The following RBPJ variants were observed in gnomAD, a reference collection of about 807,000 sequenced individuals.
RBPJ encodes recombination signal binding protein for immunoglobulin kappa J region.
RBPJ carries 9 observed loss-of-function variants against 67.8 expected under a neutral mutation model. That is an observed-to-expected ratio of 0.13 (90% CI 0.08 to 0.23). The LOEUF (loss-of-function observed/expected upper bound fraction) is 0.23. Ranked by LOEUF, RBPJ falls within the 10% of genes least tolerant of loss-of-function variation. The pLI is 1.00. For synonymous variants in RBPJ, 198 were observed against 203.3 expected (o/e 0.97, Z 0.22); for missense variants, 305 against 595.6 (o/e 0.51, Z 5.08).
chr4:26,158,978 TC>T (rs1395010924), upstream of RBPJ, among the ~76,000 whole-genome samples: 4 of 140,712 alleles, frequency 2.8e-5, no homozygotes, highest in African/African-American at 1.0e-4. Flanking sequence ...TCTCTCTCTC[TC>T]TCTCAATTTA....
At chr4:26,244,271 A>ATATGTGTG (rs1491168240) in intron 1 of RBPJ, among the ~76,000 whole-genome samples, 1 of 15,724 alleles carries the variant, frequency 6.4e-5, no homozygotes, top group African/African-American at 2.0e-4. Flanking sequence ...ATGTGTACAC[A>ATATGTGTG]TATATGTGTG....
intron 1 of RBPJ, among the ~76,000 whole-genome samples, chr4:26,361,181 A>G (rs149843154): frequency 6.6e-6 from 1 of 152,084 alleles, no homozygotes; most frequent in Non-Finnish European, 1.5e-5. Flanking sequence ...GGTTGTGGCT[A>G]CAGGCAGAGA....
intron 1 of RBPJ, among the ~76,000 whole-genome samples, chr4:26,212,983 G>T (rs1336226420): frequency 6.6e-6 from 1 of 152,140 alleles, no homozygotes; most frequent in Admixed American, 6.5e-5. Flanking sequence ...AACTCCACAG[G>T]AATGGAAGCT....
At chr4:26,321,678 C>G (rs1045524303) in intron 1 of RBPJ, 2 of 153,014 alleles carry the variant, frequency 1.3e-5, no homozygotes, top group African/African-American at 4.8e-5. Flanking sequence ...CCTGTGGGTC[C>G]CCTCTCACCT....
intron 2 of RBPJ, among the ~76,000 whole-genome samples, chr4:26,405,266 G>A (rs1161530465): frequency 2.6e-5 from 4 of 152,212 alleles, no homozygotes; most frequent in East Asian, 1.9e-4. Context: ...ATTTAATAAC[G>A]TATTACTATT....
intron 1 of RBPJ, among the ~76,000 whole-genome samples, chr4:26,168,997 T>A (rs1401319361): frequency 6.6e-6 from 1 of 152,252 alleles, no homozygotes; most frequent in Admixed American, 6.5e-5. Flanking sequence ...AGTTTTCAAC[T>A]TCCTTGCCTT....
chr4:26,359,085 G>A (rs1490510883), intron 1 of RBPJ, among the ~76,000 whole-genome samples: 1 of 152,162 alleles, frequency 6.6e-6, no homozygotes, highest in African/African-American at 2.4e-5. Flanking sequence ...TTGTCAAGGT[G>A]CTGTCATAAG....
chr4:26,289,571 T>C (rs922063591), intron 1 of RBPJ, among the ~76,000 whole-genome samples: 1 of 150,412 alleles, frequency 6.6e-6, no homozygotes, highest in Non-Finnish European at 1.5e-5. Context: ...CATGCTATCA[T>C]TGCCTGAAGC....
intron 3 of RBPJ, among the ~76,000 whole-genome samples, chr4:26,406,719 T>TA (rs1449564895): frequency 6.6e-6 from 1 of 152,164 alleles, no homozygotes; most frequent in East Asian, 1.9e-4. Context: ...CTAAATACGT[T>TA]AAGTGCAAGG....
chr4:26,151,012 C>T, the RBPJ span, among the ~76,000 whole-genome samples: 9 of 152,132 alleles, frequency 5.9e-5, no homozygotes, highest in Non-Finnish European at 1.3e-4. Flanking sequence ...CTGAGAACAA[C>T]GCCAAAGATT....
At chr4:26,136,823 C>A in the RBPJ span, among the ~76,000 whole-genome samples, 1 of 152,158 alleles carries the variant, frequency 6.6e-6, no homozygotes, top group Non-Finnish European at 1.5e-5. Context: ...TCCCCAATGG[C>A]ACTGAGGGGC....
intron 1 of RBPJ, among the ~76,000 whole-genome samples, chr4:26,363,799 G>T (rs2109510873): frequency 6.6e-6 from 1 of 152,286 alleles, no homozygotes; most frequent in Non-Finnish European, 1.5e-5. Context: ...ATGTATGTAT[G>T]CAGTTATTCA....
chr4:26,138,454 C>T, the RBPJ span, among the ~76,000 whole-genome samples: 2 of 151,842 alleles, frequency 1.3e-5, no homozygotes, highest in Non-Finnish European at 1.5e-5. Context: ...TTGGTAGCTG[C>T]TCTGGAAAGA....
intron 1 of RBPJ, among the ~76,000 whole-genome samples, chr4:26,204,127 T>G (rs1718085900): frequency 6.6e-6 from 1 of 152,094 alleles, no homozygotes; most frequent in Admixed American, 6.6e-5. Context: ...GTATTTTTTG[T>G]AGGGATGGGG....
intron 1 of RBPJ, among the ~76,000 whole-genome samples, chr4:26,236,374 C>T (rs1490180460): frequency 1.3e-5 from 2 of 152,142 alleles, no homozygotes; most frequent in African/African-American, 4.8e-5. Context: ...AATAGTCATC[C>T]CTATAGTTCA....
chr4:26,309,680 C>G (rs1412333842), intron 1 of RBPJ, among the ~76,000 whole-genome samples: 1 of 151,944 alleles, frequency 6.6e-6, no homozygotes, highest in Non-Finnish European at 1.5e-5. Context: ...ATTACAGAAC[C>G]CAAAACCACT....
At chr4:26,125,273 C>G in the RBPJ span, among the ~76,000 whole-genome samples, 3 of 152,106 alleles carry the variant, frequency 2.0e-5, no homozygotes, top group East Asian at 3.9e-4. Flanking sequence ...CATGGGGCAC[C>G]CTGTGATGTA....
chr4:26,244,289 A>ATACACATGTG (rs1719796972), intron 1 of RBPJ, among the ~76,000 whole-genome samples: 1 of 100,792 alleles, frequency 9.9e-6, no homozygotes, highest in Non-Finnish European at 2.2e-5. Flanking sequence ...GTGTATATGT[A>ATACACATGTG]TACACATATG....
At chr4:26,164,293 C>T (rs532439108) in intron 1 of RBPJ, among the ~76,000 whole-genome samples, 1 of 152,356 alleles carries the variant, frequency 6.6e-6, no homozygotes, top group African/African-American at 2.4e-5. Context: ...TTCACTTATA[C>T]ATTACATATA....
Sources: allele counts gnomAD v4.1 joint callset (sites outside exome capture counted in the v4.1 genomes callset), GRCh38; gene constraint gnomAD v4.1.1; transcripts MANE v1.5; gene names NCBI Gene and HGNC (gene_info 2026-07-23, HGNC 2026-07-21).